The following PKD1L1 variants were observed in gnomAD, a reference collection of about 807,000 sequenced individuals.
PKD1L1 encodes the protein polycystin-1-like protein 1.
PKD1L1 carries 236 observed loss-of-function variants against 323.4 expected under a neutral mutation model. The ratio of observed to expected loss-of-function variants is 0.73; its 90% confidence interval spans 0.66 to 0.81. The LOEUF is 0.81. PKD1L1 is among the 40% of genes least tolerant of loss of function. The pLI, the probability that PKD1L1 is intolerant of heterozygous loss-of-function variation, is 0.00. For missense variants in PKD1L1, 3,320 were observed against 3,508.0 expected (o/e 0.95, Z 1.35); for synonymous variants, 1,344 against 1,335.0 (o/e 1.01, Z -0.15).
At chr7:47,897,143 C>T (rs774590767) in intron 14 of PKD1L1, among the ~76,000 whole-genome samples, 1 of 152,220 alleles carries the variant, frequency 6.6e-6, no homozygotes, top group Non-Finnish European at 1.5e-5. Context: ...ATCGCTGTGA[C>T]ATCCCAGCAC....
At chr7:47,834,530 G>A (rs1362612675) in intron 39 of PKD1L1, 145 bp from the exon 40 acceptor site, 1 of 744,828 alleles carries the variant, frequency 1.3e-6, no homozygotes, top group Admixed American at 2.2e-5. Context: ...ATTTCTGAGA[G>A]GATAAGGCTA....
chr7:47,945,133 G>A (rs1204626423), intron 1 of PKD1L1, among the ~76,000 whole-genome samples: 1 of 152,138 alleles, frequency 6.6e-6, no homozygotes, highest in Non-Finnish European at 1.5e-5. Flanking sequence ...TACTTCACGG[G>A]GCTGCTGCCA....
intron 54 of PKD1L1, among the ~76,000 whole-genome samples, chr7:47,799,803 T>C (rs530681017): frequency 5.9e-5 from 9 of 152,262 alleles, no homozygotes; most frequent in Admixed American, 4.6e-4. Context: ...GAGCCTTCCA[T>C]AGGAACACCT....
intron 26 of PKD1L1, among the ~76,000 whole-genome samples, chr7:47,862,459 C>T (rs1250570173): frequency 5.3e-5 from 8 of 152,248 alleles, no homozygotes; most frequent in Middle Eastern, 3.4e-3. Flanking sequence ...CTCTCTTGAG[C>T]GCCTGCCATG....
At chr7:47,932,228 A>T (rs1168395317) in intron 4 of PKD1L1, among the ~76,000 whole-genome samples, 172 bp from the exon 5 acceptor site, 4 of 152,142 alleles carry the variant, frequency 2.6e-5, no homozygotes, top group African/African-American at 9.7e-5. Context: ...TGGGGATATG[A>T]TGTGGTTAGA....
chr7:47,869,841 A>G (rs1188087437), intron 24 of PKD1L1, among the ~76,000 whole-genome samples: 1 of 152,208 alleles, frequency 6.6e-6, no homozygotes, highest in Non-Finnish European at 1.5e-5. Context: ...GTAGGCCACA[A>G]ACAAAACTCA....
intron 56 of PKD1L1, among the ~76,000 whole-genome samples, chr7:47,781,806 G>A (rs1562927588): frequency 6.6e-6 from 1 of 151,946 alleles, no homozygotes; most frequent in Non-Finnish European, 1.5e-5. Flanking sequence ...ATAAAACATT[G>A]TTCATGATCC....
At chr7:47,901,699 T>C (rs892853790) in intron 13 of PKD1L1, among the ~76,000 whole-genome samples, 4 of 152,232 alleles carry the variant, frequency 2.6e-5, no homozygotes, top group Admixed American at 6.5e-5. Flanking sequence ...GCACTTGGTC[T>C]CTGCATGCTG....
rs372725570 is a variant in PKD1L1, at chr7:47,788,578, T to TATATA, written c.8526+4048_8526+4049insTATAT. On this transcript the variant is annotated intron_variant, in intron 56 of 56. Transcript: ENST00000289672. ...CAGCCCAGTTATATATATATATATA[T>TATATA]TTTTTTTTTTTAATTTTAATTTTAA... 4.6e-3 allele frequency among the ~76,000 whole-genome samples: 330 copies of TATATA among 71,904 alleles called. 1 individual carries two copies. Among genetic ancestry groups the TATATA allele is most frequent in the African/African-American group, 0.015 (298 of 19,226 alleles). The allele number at this position is 71,904 out of a possible 152,430, so 47.2% of individuals were successfully genotyped here.
At chr7:47,806,005 G>A (rs1562938425) in intron 52 of PKD1L1, among the ~76,000 whole-genome samples, 1 of 152,178 alleles carries the variant, frequency 6.6e-6, no homozygotes, top group Non-Finnish European at 1.5e-5. Context: ...GGATCCCCAG[G>A]GAAGAGGGGC....
chr7:47,926,369 C>T (rs1443559163), intron 7 of PKD1L1, among the ~76,000 whole-genome samples: 2 of 152,178 alleles, frequency 1.3e-5, no homozygotes, highest in Non-Finnish European at 2.9e-5. Context: ...CCCTGACCCC[C>T]ATCTTTGAGT....
intron 40 of PKD1L1, among the ~76,000 whole-genome samples, 160 bp from the exon 41 acceptor site, chr7:47,833,412 G>A (rs1008921652): frequency 1.3e-5 from 2 of 152,214 alleles, no homozygotes; most frequent in African/African-American, 2.4e-5. Flanking sequence ...AGGAAGCACA[G>A]GCAGCCTGGG....
At chr7:47,900,965 T>C (rs1787073440) in intron 13 of PKD1L1, among the ~76,000 whole-genome samples, 1 of 152,092 alleles carries the variant, frequency 6.6e-6, no homozygotes, top group South Asian at 2.1e-4. Flanking sequence ...AATAAATAAT[T>C]AGACAAAAGT....
At chr7:47,902,654 G>C in intron 12 of PKD1L1, 143 bp from the exon 13 acceptor site, 1 of 1,068,980 alleles carries the variant, frequency 9.4e-7, no homozygotes, top group South Asian at 1.7e-5. Flanking sequence ...AAGAGTCAAG[G>C]GTCACAAGAC....
chr7:47,813,534 A>G (rs1325598610), intron 48 of PKD1L1: 1 of 688,874 alleles, frequency 1.5e-6, no homozygotes, highest in Non-Finnish European at 2.6e-6. Flanking sequence ...TCTAAGGCTT[A>G]GACCACTTGA....
At chr7:47,902,260 G>A in intron 13 of PKD1L1, 119 bp downstream of exon 13, 1 of 1,382,930 alleles carries the variant, frequency 7.2e-7, no homozygotes, top group Non-Finnish European at 9.7e-7. Context: ...AATTGCAGTA[G>A]GATAAACTGG....
chr7:47,893,166 T>C (rs2128749100), intron 15 of PKD1L1, among the ~76,000 whole-genome samples: 2 of 145,984 alleles, frequency 1.4e-5, no homozygotes, highest in East Asian at 2.0e-4. Flanking sequence ...GGAGGCGGAG[T>C]TTGCAGTGAG....
In PKD1L1 at chr7:47,854,578, T is replaced by TA. The variant is rs556197034; in HGVS notation, c.4859+303dup. On this transcript the variant is annotated intron_variant, in intron 30 of 56. Transcript: ENST00000289672. ...AACACATTTTCTCCTTTTGGAAAAA[T>TA]AAAAAAAAATCTTGCTCAGACCTAT... 6.9e-4 allele frequency among the ~76,000 whole-genome samples: 104 copies of TA among 151,664 alleles called. 3 individuals are homozygous for TA. In the South Asian group the frequency reaches 0.02, roughly 30 times the overall value.
chr7:47,841,797 A>G (rs1468558798), intron 34 of PKD1L1, among the ~76,000 whole-genome samples: 3 of 152,176 alleles, frequency 2.0e-5, no homozygotes, highest in African/African-American at 7.2e-5. Flanking sequence ...TTACTGTGAC[A>G]AAGAGGTTCT....
Sources: allele counts gnomAD v4.1 joint callset (sites outside exome capture counted in the v4.1 genomes callset), GRCh38; gene constraint gnomAD v4.1.1; transcripts MANE v1.5; gene names NCBI Gene and HGNC (gene_info 2026-07-23, HGNC 2026-07-21).